Variants in ARHGAP18 observed in about 807,000 individuals in gnomAD.
ARHGAP18 encodes Rho GTPase activating protein 18, also known as rho GTPase-activating protein 18.
In ARHGAP18, 67 loss-of-function variants were observed where a neutral mutation model predicts 86.2. The ratio of observed to expected loss-of-function variants is 0.78; its 90% confidence interval spans 0.64 to 0.95. The LOEUF (loss-of-function observed/expected upper bound fraction) is 0.95. Among genes scored for constraint, ARHGAP18 ranks in the 40% least tolerant of loss-of-function variants. ARHGAP18 has a pLI of 0.00. For missense variants in ARHGAP18, 691 were observed against 780.4 expected (o/e 0.89, Z 1.37); for synonymous variants, 283 against 280.4 (o/e 1.01, Z -0.09).
intron 12 of ARHGAP18, among the ~76,000 whole-genome samples, chr6:129,589,696 C>T (rs183269729): frequency 3.3e-5 from 5 of 152,274 alleles, no homozygotes; most frequent in South Asian, 2.1e-4. Flanking sequence ...CCCACTCTAT[C>T]GGTACCAATA....
intron 1 of ARHGAP18, among the ~76,000 whole-genome samples, chr6:129,664,892 C>A (rs1774010468): frequency 6.6e-6 from 1 of 152,100 alleles, no homozygotes. Flanking sequence ...GAAGAGAAGA[C>A]CTCTCTGATG....
At chr6:129,635,540 A>C (rs1417839494) in intron 3 of ARHGAP18, among the ~76,000 whole-genome samples, 1 of 152,238 alleles carries the variant, frequency 6.6e-6, no homozygotes, top group Non-Finnish European at 1.5e-5. Flanking sequence ...GTCTCACAAA[A>C]GAACACATAT....
chr6:129,637,870 T>G (rs1773366503), intron 3 of ARHGAP18, among the ~76,000 whole-genome samples: 1 of 152,228 alleles, frequency 6.6e-6, no homozygotes, highest in South Asian at 2.1e-4. Context: ...CTGTTAAATT[T>G]AATTTGTCTA....
chr6:129,616,366 G>C (rs940472566), intron 6 of ARHGAP18, 63 bp from the exon 7 acceptor site: 75 of 1,308,518 alleles, frequency 5.7e-5, no homozygotes, highest in Non-Finnish European at 7.7e-5. Flanking sequence ...ATATAAAAAT[G>C]TTAAAGCATA....
intron 1 of ARHGAP18, among the ~76,000 whole-genome samples, chr6:129,701,111 G>A (rs972245931): frequency 4.6e-5 from 7 of 151,992 alleles, no homozygotes; most frequent in Non-Finnish European, 1.0e-4. Context: ...GACAACTCTG[G>A]TTAAGTGAAA....
chr6:129,703,170 C>T (rs1774747797), intron 1 of ARHGAP18, among the ~76,000 whole-genome samples: 1 of 152,148 alleles, frequency 6.6e-6, no homozygotes, highest in South Asian at 2.1e-4. Context: ...CAGATGTTTA[C>T]AGCCAGTGGG....
At chr6:129,593,862 C>T (rs1448777601) in intron 12 of ARHGAP18, among the ~76,000 whole-genome samples, 1 of 152,192 alleles carries the variant, frequency 6.6e-6, no homozygotes, top group Admixed American at 6.5e-5. Context: ...ACATTTGCCT[C>T]ATGAGGTAAA....
intron 12 of ARHGAP18, among the ~76,000 whole-genome samples, chr6:129,598,292 G>A (rs1289622589): frequency 1.3e-5 from 2 of 152,152 alleles, no homozygotes; most frequent in South Asian, 2.1e-4. Context: ...ACAATGCCAA[G>A]AAAGTATCAT....
intron 1 of ARHGAP18, among the ~76,000 whole-genome samples, chr6:129,677,082 T>C (rs1774248479): frequency 6.6e-6 from 1 of 151,736 alleles, no homozygotes; most frequent in African/African-American, 2.4e-5. Flanking sequence ...GTGCCAAAGG[T>C]CAAGTTTAAA....
At chr6:129,594,307 A>G (rs1788573610) in intron 12 of ARHGAP18, among the ~76,000 whole-genome samples, 1 of 152,140 alleles carries the variant, frequency 6.6e-6, no homozygotes. Flanking sequence ...TGGCACTACT[A>G]ACCAAGCTCT....
chr6:129,681,234 T>C (rs1381916353), intron 1 of ARHGAP18, among the ~76,000 whole-genome samples: 1 of 152,166 alleles, frequency 6.6e-6, no homozygotes, highest in Non-Finnish European at 1.5e-5. Flanking sequence ...CGCACTGCCA[T>C]GTCCAGCTAA....
At chr6:129,661,788 T>C in intron 1 of ARHGAP18, 17 of 719,172 alleles carry the variant, frequency 2.4e-5, no homozygotes, top group Non-Finnish European at 2.7e-5. Context: ...ACGTGCAGGG[T>C]ATCCGTTCGG....
At chr6:129,645,744 A>G (rs184578523) in intron 1 of ARHGAP18, among the ~76,000 whole-genome samples, 294 of 151,760 alleles carry the variant, frequency 1.9e-3, no homozygotes, top group African/African-American at 6.7e-3. Flanking sequence ...CCAATACACC[A>G]GAGTATAATC....
At chr6:129,690,431 CAAATGCA>C (rs1282132572) in intron 1 of ARHGAP18, among the ~76,000 whole-genome samples, 6 of 152,122 alleles carry the variant, frequency 3.9e-5, no homozygotes, top group Non-Finnish European at 8.8e-5. Flanking sequence ...ATAACTTCTC[CAAATGCA>C]AAATGATTCA....
chr6:129,599,423 A>T (rs1788690384), intron 11 of ARHGAP18, 67 bp from the exon 12 acceptor site: 5 of 1,302,804 alleles, frequency 3.8e-6, no homozygotes, highest in Non-Finnish European at 5.0e-6. Flanking sequence ...TACAAAAAAA[A>T]ATTATATTTT....
In ARHGAP18 at chr6:129,625,480, TTA is replaced by T. The variant is rs1554336155; in HGVS notation, c.786+3871_786+3872del. 7.2e-5 allele frequency among the ~76,000 whole-genome samples: 3 copies of T among 41,396 alleles called. 1 individual carries two copies. The highest frequency in any genetic ancestry group is 1.0e-4 in the African/African-American group (1 of 9,738). The allele number at this position is 41,396 out of a possible 152,430, so 27.2% of individuals were successfully genotyped here. Reference sequence around the variant, plus strand: ...TATTATATATAATATATATTTTATATTATATATTATATATAATATATATTTTA... The same window carrying T: ...TATTATATATAATATATATTTTATATTATATTATATATAATATATATTTTA... On this transcript the variant is annotated intron_variant, in intron 5 of 14. Transcript: ENST00000368149.
intron 1 of ARHGAP18, among the ~76,000 whole-genome samples, chr6:129,677,673 G>T (rs1291300230): frequency 6.6e-6 from 1 of 152,214 alleles, no homozygotes; most frequent in Non-Finnish European, 1.5e-5. Flanking sequence ...TTCAATGAAA[G>T]ACGTAAAATA....
intron 1 of ARHGAP18, among the ~76,000 whole-genome samples, chr6:129,669,769 G>C (rs1405960176): frequency 6.7e-6 from 1 of 149,414 alleles, no homozygotes; most frequent in African/African-American, 2.5e-5. Context: ...TGGGGAACAA[G>C]AGTGAAACGT....
At chr6:129,620,793 G>C (rs141280271) in intron 5 of ARHGAP18, among the ~76,000 whole-genome samples, 7 of 152,246 alleles carry the variant, frequency 4.6e-5, no homozygotes, top group African/African-American at 1.4e-4. Flanking sequence ...GGGACCATTG[G>C]GGGTATCCAA....
Sources: allele counts gnomAD v4.1 joint callset (sites outside exome capture counted in the v4.1 genomes callset), GRCh38; gene constraint gnomAD v4.1.1; transcripts MANE v1.5; gene names NCBI Gene and HGNC (gene_info 2026-07-23, HGNC 2026-07-21).